The following C4orf50 variants were observed in gnomAD, a reference collection of about 807,000 sequenced individuals.
The protein encoded by C4orf50 is chromosome 4 open reading frame 50, also known as uncharacterized protein C4orf50.
A neutral mutation model predicts 77.2 loss-of-function variants in C4orf50; 80 were observed. The observed-to-expected ratio is 1.04, with a 90% CI of 0.87 to 1.25. The LOEUF is 1.25. Ranked by LOEUF, C4orf50 falls within the 50% of genes most tolerant of loss-of-function variation. The pLI is 0.00. For synonymous variants in C4orf50, 532 were observed against 465.3 expected (o/e 1.14, Z -1.84); for missense variants, 1,257 against 1,152.9 (o/e 1.09, Z -1.31).
At chr4:5,918,818 C>T (rs181611307) in intron 7 of C4orf50, among the ~76,000 whole-genome samples, 13 of 152,346 alleles carry the variant, frequency 8.5e-5, no homozygotes, top group South Asian at 2.1e-4. Context: ...CATGCCAGAA[C>T]GACTGGGGAG....
At chr4:5,952,172 G>A (rs548900711), downstream of C4orf50, among the ~76,000 whole-genome samples, 28 of 152,302 alleles carry the variant, frequency 1.8e-4, no homozygotes, top group Admixed American at 9.1e-4. This position sits in a 1 kb window ranked among gnomAD's most constrained non-coding sequence, Gnocchi z 4.4. Flanking sequence ...GTCAGGAGTC[G>A]TAAGAGGCAG....
rs1719827556 is a variant in C4orf50 at position 5,970,182 on chromosome 4, CG to C, written c.4105-2721del. Among the ~76,000 whole-genome samples the C allele has an allele frequency of 6.6e-6, 1 of 150,580 alleles. No homozygotes were observed. Among genetic ancestry groups the C allele is most frequent in the Admixed American group, 6.6e-5 (1 of 15,184 alleles). ...AAAAAGGCCCACTGGGGCTAGGGGT[CG>C]GGGGGCATAGAGAGGAAGCAAAACA... is the stretch of plus-strand genomic sequence containing the variant. On this transcript the variant is annotated intron_variant, in intron 31 of 33. Transcript: ENST00000531445. The surrounding 1 kb of genome is among the most constrained non-coding windows in gnomAD (Gnocchi z 4.3).
rs1239300958 is a variant in C4orf50, at chr4:5,992,751, C to A, written c.1221+52G>T. 1 of 399,152 alleles carries A rather than the reference C, an allele frequency of 2.5e-6. No homozygotes were observed. The highest frequency in any genetic ancestry group is 2.1e-5 in the African/African-American group (1 of 48,768). 24.7% of individuals were successfully genotyped at this position (399,152 alleles called of 1,614,324 possible). A position where few individuals can be genotyped will look rare whatever the true frequency, so the allele number is the denominator to read the frequency against. ...GCCACATAGCCTGCATGAGGCAGGGCTGAGGGGAACCAGTGGCACTGCACA... is the reference window on the plus strand; with the variant it reads ...GCCACATAGCCTGCATGAGGCAGGGATGAGGGGAACCAGTGGCACTGCACA... On this transcript the variant is annotated intron_variant, in intron 27 of 33. Coordinates refer to ENST00000531445, the Ensembl canonical transcript of C4orf50. This position sits in a 1 kb window ranked among gnomAD's most constrained non-coding sequence, Gnocchi z 5.0.
intron 25 of C4orf50, among the ~76,000 whole-genome samples, chr4:5,997,832 A>G (rs1721662967): frequency 6.6e-6 from 1 of 152,250 alleles, no homozygotes; most frequent in South Asian, 2.1e-4. Context: ...ATATAGAAGG[A>G]TCATTTCTCT....
intron 28 of C4orf50, among the ~76,000 whole-genome samples, chr4:5,981,531 A>C (rs771733202): frequency 2.0e-5 from 3 of 150,994 alleles, no homozygotes; most frequent in Non-Finnish European, 4.4e-5. Flanking sequence ...CAGCCTCCCG[A>C]GTAGCTGGGA....
At position 5,916,176 on chromosome 4, in the gene C4orf50, C is replaced by T. The variant is rs1425718726; in HGVS notation, c.*2475-17988G>A. On this transcript the variant is annotated intron_variant, in intron 7 of 7. Transcript: ENST00000324058. This position sits in a 1 kb window ranked among gnomAD's most constrained non-coding sequence, Gnocchi z 4.4. ...TCCTGGTTCCTGTGGGCTGTGACTT[C>T]TTTCTTATTCTGTCCTGGCTTCCCT... Among the ~76,000 whole-genome samples the T allele has an allele frequency of 6.6e-6, 1 of 152,208 alleles. No individual in the cohort carries two copies. Among genetic ancestry groups the T allele is most frequent in the Non-Finnish European group, 1.5e-5 (1 of 68,038 alleles).
intron 23 of C4orf50, among the ~76,000 whole-genome samples, chr4:6,012,628 CTT>C (rs1722534897): frequency 6.6e-6 from 1 of 152,208 alleles, no homozygotes; most frequent in South Asian, 2.1e-4. Context: ...CACAGGAAGA[CTT>C]TGCATGGTCT....
chr4:5,967,786 A>T (rs1161013206), intron 31 of C4orf50, among the ~76,000 whole-genome samples: 2 of 152,268 alleles, frequency 1.3e-5, no homozygotes, highest in African/African-American at 2.4e-5. Flanking sequence ...TAATGAGGAC[A>T]TCCAGTGCTC....
rs1211194357 is a variant in C4orf50 at position 5,997,501 on chromosome 4, GACAGGAGC to G, written c.964-3033_964-3026del. ...CTTGTCCAAGGTCACACAGTAAGTC[GACAGGAGC>G]ACAGGAGCAGAGCTCAGGTTTCTAA... On this transcript the variant is annotated intron_variant, in intron 25 of 33. Coordinates refer to ENST00000531445, the Ensembl canonical transcript of C4orf50. Among the ~76,000 whole-genome samples, 11 of 152,304 alleles carry G rather than the reference GACAGGAGC, an allele frequency of 7.2e-5. No homozygotes were observed. In the East Asian group the frequency reaches 1.9e-3, roughly 27 times the overall value.
intron 7 of C4orf50, among the ~76,000 whole-genome samples, chr4:5,906,137 G>A (rs966140813): frequency 3.9e-5 from 6 of 152,046 alleles, no homozygotes; most frequent in African/African-American, 4.8e-5. Flanking sequence ...AGGAGAAGCC[G>A]GTGTGAAGAA....
exon 34 of C4orf50, chr4:5,957,312 A>C (rs774573639): frequency 3.9e-5 from 6 of 152,278 alleles, no homozygotes; most frequent in Non-Finnish European, 7.3e-5. Context: ...ACCACGCTGC[A>C]TCTCGCTGGC....
chr4:6,016,070 A>G (rs186122450), intron 23 of C4orf50, among the ~76,000 whole-genome samples: 123 of 152,308 alleles, frequency 8.1e-4, no homozygotes, highest in Non-Finnish European at 1.6e-3. Flanking sequence ...TTGGGTAAAT[A>G]ATCATCTTAC....
intron 30 of C4orf50, among the ~76,000 whole-genome samples, chr4:5,974,377 C>T (rs6835174): frequency 0.16 from 24,619 of 152,122 alleles, 2,722 homozygotes; most frequent in African/African-American, 0.3. Flanking sequence ...CCTCACCGTC[C>T]GCTCTGCACC....
At chr4:5,978,651 G>A (rs1289292506) in intron 29 of C4orf50, among the ~76,000 whole-genome samples, 1 of 152,212 alleles carries the variant, frequency 6.6e-6, no homozygotes, top group African/African-American at 2.4e-5. Flanking sequence ...TTGGTGGCAT[G>A]GAAGTGGATA....
At chr4:5,954,014 C>A (rs1303408414), downstream of C4orf50, among the ~76,000 whole-genome samples, 3 of 152,236 alleles carry the variant, frequency 2.0e-5, no homozygotes, top group African/African-American at 7.2e-5. This position sits in a 1 kb window ranked among gnomAD's most constrained non-coding sequence, Gnocchi z 4.7. Flanking sequence ...CAACCAGATG[C>A]AGTAGCTCTG....
intron 25 of C4orf50, among the ~76,000 whole-genome samples, chr4:6,004,250 A>G (rs201391026): frequency 0.03 from 1,051 of 34,674 alleles, 51 homozygotes; most frequent in East Asian, 0.073. Flanking sequence ...GATGGTGATG[A>G]TGGTGATGGT....
At position 5,901,594 on chromosome 4, in the gene C4orf50, C is replaced by T. The variant is rs1280551453; in HGVS notation, c.*2475-3406G>A. The T allele has an allele frequency of 1.3e-5, 2 of 152,222 alleles. No homozygotes were observed. Among genetic ancestry groups the T allele is most frequent in the East Asian group, 1.9e-4 (1 of 5,198 alleles). 9.4% of individuals were successfully genotyped at this position (152,222 alleles called of 1,614,324 possible). ...AAGAGTTTACAAAGGGCTTTCCATC[C>T]GTATTCCCATTTCATTCAAAGCCTA... On this transcript the variant is annotated intron_variant, in intron 7 of 7. Transcript: ENST00000324058. This position sits in a 1 kb window ranked among gnomAD's most constrained non-coding sequence, Gnocchi z 4.4.
chr4:5,945,101 A>G (rs969033870), intron 7 of C4orf50, among the ~76,000 whole-genome samples: 1 of 152,180 alleles, frequency 6.6e-6, no homozygotes, highest in Non-Finnish European at 1.5e-5. Flanking sequence ...TGGAGCGTGC[A>G]TGGGGAGGTG....
At chr4:5,943,332 T>C (rs1486658793) in intron 7 of C4orf50, among the ~76,000 whole-genome samples, 1 of 152,224 alleles carries the variant, frequency 6.6e-6, no homozygotes, top group Non-Finnish European at 1.5e-5. Flanking sequence ...GCTAAGCCCC[T>C]GAGTTTTCCC....
Sources: gnomAD v4.1 joint callset for allele counts (sites outside exome capture counted in the v4.1 genomes callset) on GRCh38, gnomAD v4.1.1 for gene constraint, Gnocchi (gnomAD v3.1) non-coding constraint, MANE v1.5 for transcripts, NCBI Gene and HGNC (gene_info 2026-07-23, HGNC 2026-07-21) for gene names.